MFAP3L: variants seen among roughly 807,000 people sequenced by gnomAD.
The protein encoded by MFAP3L is microfibrillar-associated protein 3-like.
A neutral mutation model predicts 20.0 loss-of-function variants in MFAP3L; 5 were observed. The ratio of observed to expected loss-of-function variants is 0.25; its 90% confidence interval spans 0.13 to 0.53. The LOEUF is 0.53. Ranked by LOEUF, MFAP3L falls within the 20% of genes least tolerant of loss-of-function variation. The pLI is 0.96. For synonymous variants in MFAP3L, 219 were observed against 213.0 expected (o/e 1.03, Z -0.25); for missense variants, 409 against 527.5 (o/e 0.78, Z 2.20).
intron 2 of MFAP3L, among the ~76,000 whole-genome samples, chr4:169,998,384 G>C (rs1738359594): frequency 6.6e-6 from 1 of 152,232 alleles, no homozygotes. Flanking sequence ...AACAACTTCT[G>C]AGCAAATTAC....
chr4:170,006,821 T>A (rs1322473400), intron 1 of MFAP3L: 1 of 152,214 alleles, frequency 6.6e-6, no homozygotes, highest in Non-Finnish European at 1.5e-5. Flanking sequence ...CTCCTTACTG[T>A]CTCATTCAAC....
At position 169,986,742 on chromosome 4, in the gene MFAP3L, T is replaced by C. The variant is rs1737303551; in HGVS notation, c.*4636A>G. On this transcript the variant is annotated 3_prime_UTR_variant, in exon 3 of 3. Coordinates refer to ENST00000361618, the MANE Select transcript of MFAP3L (RefSeq NM_021647.8). ...TTTTTAAAAGTGAACATTTTACAGT[T>C]CACAGAATCACCAGATTGACATTTC... 6.6e-6 allele frequency: 1 copy of C among 152,228 alleles called. No individual in the cohort carries two copies. Among genetic ancestry groups the C allele is most frequent in the African/African-American group, 2.4e-5 (1 of 41,464 alleles). The allele number at this position is 152,228 out of a possible 1,614,324, so 9.4% of individuals were successfully genotyped here.
intron 2 of MFAP3L, among the ~76,000 whole-genome samples, chr4:169,993,093 C>T (rs746348864): frequency 6.6e-6 from 1 of 152,176 alleles, no homozygotes; most frequent in Non-Finnish European, 1.5e-5. Context: ...CTTACCCCCA[C>T]CACCCTCTCT....
At chr4:170,020,653 G>A (rs985536845) in intron 1 of MFAP3L, among the ~76,000 whole-genome samples, 1 of 105,582 alleles carries the variant, frequency 9.5e-6, no homozygotes, top group East Asian at 2.7e-4. Flanking sequence ...CTCCCTGACT[G>A]CATCTCTGGA....
rs938468184 is a variant in MFAP3L, at chr4:169,989,066, T to G, written c.*2312A>C. 2.0e-5 allele frequency: 3 copies of G among 152,182 alleles called. No homozygotes were observed. The highest frequency in any genetic ancestry group is 4.4e-5 in the Non-Finnish European group (3 of 68,042). 9.4% of individuals were successfully genotyped at this position (152,182 alleles called of 1,614,324 possible). ...CACAAAATGAACTTAAGTCCTCTGT[T>G]GTTGCTTTGGGCATATAAACCCATG... On this transcript the variant is annotated 3_prime_UTR_variant, in exon 3 of 3. Transcript: ENST00000361618.
In MFAP3L at chr4:169,987,415, C is replaced by T. The variant is rs72972936; in HGVS notation, c.*3963G>A. 1 of 152,096 alleles carries T rather than the reference C, an allele frequency of 6.6e-6. No homozygotes were observed. The highest frequency in any genetic ancestry group is 6.6e-5 in the Admixed American group (1 of 15,260). 9.4% of individuals were successfully genotyped at this position (152,096 alleles called of 1,614,324 possible). ...CGTGAAGAGCGGTAAAGGAAAGTATCTGAACAATGCTGAGAAAACAGAGTA... is the reference window on the plus strand; with the variant it reads ...CGTGAAGAGCGGTAAAGGAAAGTATTTGAACAATGCTGAGAAAACAGAGTA... On this transcript the variant is annotated 3_prime_UTR_variant, in exon 3 of 3. Transcript: ENST00000361618.
intron 1 of MFAP3L, among the ~76,000 whole-genome samples, chr4:170,024,995 G>T (rs1194176168): frequency 6.6e-6 from 1 of 152,214 alleles, no homozygotes; most frequent in Non-Finnish European, 1.5e-5. Context: ...TAGAAAAGAG[G>T]CTTGAGAATT....
At position 170,005,854 on chromosome 4, in the gene MFAP3L, C is replaced by T; in HGVS notation, c.24G>A (p.Leu8=). MDRLKSH[L]TVCFLPSVPF... ...GCACAGAAGGTAGAAAGCACACAGT[C>T]AGATGGCTCTTCAATCGATCCATCT... Residue 8 remains leucine, a synonymous_variant, in exon 2 of 3, where the codon CTG becomes CTA. Coordinates refer to ENST00000361618, the MANE Select transcript of MFAP3L (RefSeq NM_021647.8). 3 of 1,613,808 alleles carry T rather than the reference C, an allele frequency of 1.9e-6. No individual in the cohort carries two copies. The highest frequency in any genetic ancestry group is 2.5e-6 in the Non-Finnish European group (3 of 1,179,746).
rs1267077884 is a variant in MFAP3L, at chr4:169,986,770, TCGAGA to T, written c.*4603_*4607del. The T allele has an allele frequency of 6.6e-6, 1 of 152,232 alleles. No homozygotes were observed. The highest frequency in any genetic ancestry group is 2.4e-5 in the African/African-American group (1 of 41,458). The allele number at this position is 152,232 out of a possible 1,614,324, so 9.4% of individuals were successfully genotyped here. ...CAGAATCACCAGATTGACATTTCTG[TCGAGA>T]CATTTTTCCATTTTCCAATTTTAAC... On this transcript the variant is annotated 3_prime_UTR_variant, in exon 3 of 3. Transcript: ENST00000361618.
Position 169,989,174 on chromosome 4 carries a change from A to T in MFAP3L, c.*2204T>A, listed in dbSNP as rs1246007223. The T allele has an allele frequency of 6.6e-6, 1 of 152,172 alleles. No individual in the cohort carries two copies. Among genetic ancestry groups the T allele is most frequent in the Non-Finnish European group, 1.5e-5 (1 of 68,028 alleles). The allele number at this position is 152,172 out of a possible 1,614,324, so 9.4% of individuals were successfully genotyped here. A position where few individuals can be genotyped will look rare whatever the true frequency, so the allele number is the denominator to read the frequency against. On this transcript the variant is annotated 3_prime_UTR_variant, in exon 3 of 3. Transcript: ENST00000361618. ...TGTTAAAACTTTTCTGCAACCCAAA[A>T]ACATACAATGCTAGTCCAGAAAGCC...
chr4:170,009,244 G>C (rs1406610147), intron 1 of MFAP3L, among the ~76,000 whole-genome samples: 1 of 151,968 alleles, frequency 6.6e-6, no homozygotes. Context: ...TTAGCCGGGC[G>C]TGGTGGTGTG....
Position 170,005,718 on chromosome 4 carries a change from C to T in MFAP3L, c.160G>A (p.Asp54Asn), listed in dbSNP as rs770162716. 1.9e-6 allele frequency: 3 copies of T among 1,614,024 alleles called. No homozygotes were observed. Among genetic ancestry groups the T allele is most frequent in the African/African-American group, 2.7e-5 (2 of 74,906 alleles). Residue 54 changes from aspartate to asparagine, a missense_variant, in exon 2 of 3, where the codon GAC becomes AAC. Physicochemically the swap from Asp to Asn is conservative, Grantham distance 23. Coordinates refer to ENST00000361618, the MANE Select transcript of MFAP3L (RefSeq NM_021647.8). ...GSVPVIIART[D>N]HIIVKEGNSA... ...TTCCCTTCCTTGACTATGATATGGT[C>T]AGTTCTGGCAATGATTACGGGCACA...
intron 2 of MFAP3L, among the ~76,000 whole-genome samples, chr4:170,003,060 T>C (rs955531912): frequency 6.6e-6 from 1 of 152,218 alleles, no homozygotes; most frequent in East Asian, 1.9e-4. Context: ...TTGTTTTCTG[T>C]GTATTGCTTG....
rs1180557176 is a variant in MFAP3L, at chr4:170,005,982, G to A, written c.-105C>T. 6.1e-6 allele frequency: 9 copies of A among 1,463,560 alleles called. No individual in the cohort carries two copies. The highest frequency in any genetic ancestry group is 8.1e-6 in the Non-Finnish European group (9 of 1,109,494). The allele number at this position is 1,463,560 out of a possible 1,614,324, so 90.7% of individuals were successfully genotyped here. On this transcript the variant is annotated 5_prime_UTR_variant, in exon 2 of 3. Transcript: ENST00000361618. ...AGGTCATGGGACAAACCTGTCCTGG[G>A]TCCATAGAGTTGGTACTTGAGCAAG...
chr4:170,022,401 A>G (rs1478240014), intron 1 of MFAP3L, among the ~76,000 whole-genome samples: 9 of 152,128 alleles, frequency 5.9e-5, no homozygotes, highest in Admixed American at 4.6e-4. Flanking sequence ...TATTTTCTCT[A>G]TAATAGGACA....
intron 2 of MFAP3L, among the ~76,000 whole-genome samples, chr4:170,004,656 G>A (rs1738912375): frequency 6.6e-6 from 1 of 152,186 alleles, no homozygotes; most frequent in African/African-American, 2.4e-5. Context: ...AAGATAAAAT[G>A]AGGGAAAGAG....
In MFAP3L at chr4:169,986,874, A is replaced by G. The variant is rs1209325737; in HGVS notation, c.*4504T>C. 6.6e-6 allele frequency: 1 copy of G among 152,246 alleles called. No homozygotes were observed. The highest frequency in any genetic ancestry group is 1.5e-5 in the Non-Finnish European group (1 of 68,034). The allele number at this position is 152,246 out of a possible 1,614,324, so 9.4% of individuals were successfully genotyped here. A position where few individuals can be genotyped will look rare whatever the true frequency, so the allele number is the denominator to read the frequency against. The stretch of plus-strand genomic sequence containing the variant: ...AGCATCTTCCTTGATTCTCATTGTT[A>G]GCAGCTCTATGGTGTCTGAGATATA... On this transcript the variant is annotated 3_prime_UTR_variant, in exon 3 of 3. Transcript: ENST00000361618.
At chr4:170,025,706 T>C (rs937729729) in intron 1 of MFAP3L, among the ~76,000 whole-genome samples, 10 of 152,092 alleles carry the variant, frequency 6.6e-5, no homozygotes, top group Admixed American at 5.2e-4. Context: ...AGAGCTTCAG[T>C]AGCGAGGCGG....
chr4:169,995,875 G>A (rs1448312700), intron 2 of MFAP3L, among the ~76,000 whole-genome samples: 1 of 152,072 alleles, frequency 6.6e-6, no homozygotes, highest in Non-Finnish European at 1.5e-5. Flanking sequence ...AGTTCTACAT[G>A]CAATGATTTT....
Sources: allele counts gnomAD v4.1 joint callset (sites outside exome capture counted in the v4.1 genomes callset), GRCh38; gene constraint gnomAD v4.1.1; transcripts MANE v1.5; gene names NCBI Gene and HGNC (gene_info 2026-07-23, HGNC 2026-07-21).